The following CNTLN variants were observed in gnomAD, a reference collection of about 807,000 sequenced individuals.
CNTLN encodes centlein, centrosomal protein.
Under a neutral mutation model 180.0 loss-of-function variants are expected in CNTLN, and 212 were observed. The ratio of observed to expected loss-of-function variants is 1.18; its 90% CI spans 1.05 to 1.32. The LOEUF is 1.32. CNTLN is among the 40% of genes most tolerant of loss of function. CNTLN has a pLI of 0.00. For missense variants in CNTLN, 2,095 were observed against 1,610.9 expected, an observed-to-expected ratio of 1.30 and a Z score of -5.14; for synonymous variants, 722 against 563.1, an observed-to-expected ratio of 1.28 and a Z score of -3.99.
At chr9:17,419,360 A>T (rs1366627683) in intron 18 of CNTLN, among the ~76,000 whole-genome samples, 2 of 152,174 alleles carry the variant, frequency 1.3e-5, no homozygotes, top group Non-Finnish European at 2.9e-5. Flanking sequence ...TATTTTCAAG[A>T]AAAATTAAGT....
At chr9:17,194,614 C>G (rs771590367) in intron 2 of CNTLN, among the ~76,000 whole-genome samples, 2 of 152,194 alleles carry the variant, frequency 1.3e-5, no homozygotes, top group Admixed American at 6.5e-5. Context: ...TTCAACAAGT[C>G]TCTAGGAAGT....
rs768825621 is a variant in CNTLN, at chr9:17,464,634, TTA to T, written c.3531+13_3531+14del. ...AATCTTGATAAAAAGGTATCAATTT[TTA>T]TCTTTACTGACACTAAAAATATCAC... On this transcript the variant is annotated intron_variant, in intron 21 of 25. Transcript: ENST00000380647. 3.6e-6 allele frequency: 5 copies of T among 1,406,600 alleles called. No individual in the cohort carries two copies. The highest frequency in any genetic ancestry group is 4.8e-6 in the Non-Finnish European group (5 of 1,044,548). The allele number at this position is 1,406,600 out of a possible 1,614,324, so 87.1% of individuals were successfully genotyped here. A position where few individuals can be genotyped will look rare whatever the true frequency, so the allele number is the denominator to read the frequency against.
At chr9:17,157,326 A>G (rs1175884957) in intron 2 of CNTLN, among the ~76,000 whole-genome samples, 1 of 152,166 alleles carries the variant, frequency 6.6e-6, no homozygotes, top group East Asian at 1.9e-4. Flanking sequence ...AGGTTTCAGG[A>G]TTATCCTTTG....
intron 6 of CNTLN, among the ~76,000 whole-genome samples, chr9:17,280,644 C>T (rs1327571022): frequency 1.3e-5 from 2 of 152,090 alleles, no homozygotes; most frequent in African/African-American, 4.8e-5. Context: ...CATGATAAAC[C>T]GTGAAGACAT....
At chr9:17,435,327 A>G (rs1397963200) in intron 18 of CNTLN, among the ~76,000 whole-genome samples, 1 of 152,160 alleles carries the variant, frequency 6.6e-6, no homozygotes, top group Non-Finnish European at 1.5e-5. Flanking sequence ...TGTTCCAATA[A>G]TGCTTTCTGG....
chr9:17,213,063 T>A (rs897392375), intron 2 of CNTLN, among the ~76,000 whole-genome samples: 11 of 152,232 alleles, frequency 7.2e-5, no homozygotes, highest in African/African-American at 2.4e-4. Context: ...CCTTCAGTTC[T>A]GCTCTGATCT....
rs71331486 is a variant in CNTLN at position 17,338,337 on chromosome 9, G to GTTTTTTTTTTT, written c.1645-2482_1645-2472dup. 6.4e-4 allele frequency among the ~76,000 whole-genome samples: 64 copies of GTTTTTTTTTTT among 100,434 alleles called. 3 individuals carry two copies. Among genetic ancestry groups the GTTTTTTTTTTT allele is most frequent in the African/African-American group, 1.2e-3 (32 of 26,008 alleles). The allele number at this position is 100,434 out of a possible 152,430, so 65.9% of individuals were successfully genotyped here. ...CTGCTATCACTCCTGGCTAATTTTT[G>GTTTTTTTTTTT]TTTTTTTTTTTTTTTTTTAGAGATG... On this transcript the variant is annotated intron_variant, in intron 10 of 25. Coordinates refer to ENST00000380647, the MANE Select transcript of CNTLN (RefSeq NM_017738.4).
Position 17,342,360 on chromosome 9 carries a change from A to T in CNTLN, c.1802A>T (p.Gln601Leu). ...AGGAAAATAAAGAGAGCAGATCCCC[A>T]ACAACTTCGACAAGAAGATTCTGAC... ...EIRKIKRADP[Q>L]QLRQEDSDAV... The change falls in exon 12 of 26, where the codon CAA (glutamine) becomes CTA (leucine). Residue 601 changes from glutamine to leucine, a missense_variant. Physicochemically the swap from Gln to Leu is moderately radical, Grantham distance 113. Coordinates refer to ENST00000380647, the MANE Select transcript of CNTLN (RefSeq NM_017738.4). 1 of 1,612,336 alleles carries T rather than the reference A, an allele frequency of 6.2e-7. No individual in the cohort carries two copies. Among genetic ancestry groups the T allele is most frequent in the East Asian group, 2.2e-5 (1 of 44,756 alleles).
At chr9:17,171,915 G>T (rs1820446131) in intron 2 of CNTLN, among the ~76,000 whole-genome samples, 1 of 152,138 alleles carries the variant, frequency 6.6e-6, no homozygotes, top group Non-Finnish European at 1.5e-5. Flanking sequence ...TAGCCATGGA[G>T]CCAGGGTCCA....
At position 17,449,656 on chromosome 9, in the gene CNTLN, A is replaced by G. The variant is rs555437305; in HGVS notation, c.3115-7868A>G. ...GTCAATTGTATTAGTTGACTTTCTA[A>G]ATTTCACATATAACGTGTTTTTACT... is the stretch of plus-strand genomic sequence containing the variant. On this transcript the variant is annotated intron_variant, in intron 18 of 25. Coordinates refer to ENST00000380647, the MANE Select transcript of CNTLN (RefSeq NM_017738.4). Among the ~76,000 whole-genome samples, 3 of 152,356 alleles carry G rather than the reference A, an allele frequency of 2.0e-5. No individual in the cohort carries two copies. The East Asian group carries it at 5.8e-4, about 29-fold the overall frequency.
Position 17,462,942 on chromosome 9 carries a change from G to C in CNTLN, c.3333G>C (p.Gln1111His). ...ATGCTACTAATGAACTCACTAAACAGTCATCAAATGTGAAGACTTTGAAAT... is the reference window on the plus strand; with the variant it reads ...ATGCTACTAATGAACTCACTAAACACTCATCAAATGTGAAGACTTTGAAAT... ...LKNATNELTK[Q>H]SSNVKTLKFE... The change falls in exon 20 of 26, where the codon CAG becomes CAC. Residue 1111 changes from glutamine (Q) to histidine (H), a missense_variant. By Grantham distance (24) the Gln-to-His change is conservative (BLOSUM62 0). Transcript: ENST00000380647. 1 of 1,575,880 alleles carries C rather than the reference G, an allele frequency of 6.3e-7. No individual in the cohort carries two copies.
In CNTLN at chr9:17,502,501, A is replaced by T. The variant is rs777606387; in HGVS notation, c.4120-50A>T. 3.4e-6 allele frequency: 3 copies of T among 876,968 alleles called. No individual in the cohort carries two copies. In the Admixed American group the frequency reaches 9.5e-5, roughly 28 times the overall value. The allele number at this position is 876,968 out of a possible 1,614,324, so 54.3% of individuals were successfully genotyped here. A position where few individuals can be genotyped will look rare whatever the true frequency, so the allele number is the denominator to read the frequency against. On this transcript the variant is annotated intron_variant, in intron 25 of 25. Coordinates refer to ENST00000380647, the MANE Select transcript of CNTLN (RefSeq NM_017738.4). ...TTAATAATATTTAGTATGTTTTTGAACTGAAGAAAATATAGAGTTTTAATA... is the reference window on the plus strand; with the variant it reads ...TTAATAATATTTAGTATGTTTTTGATCTGAAGAAAATATAGAGTTTTAATA...
intron 13 of CNTLN, among the ~76,000 whole-genome samples, chr9:17,373,323 A>G (rs1197107374): frequency 6.6e-6 from 1 of 152,196 alleles, no homozygotes; most frequent in Non-Finnish European, 1.5e-5. Flanking sequence ...TCATTTCTAT[A>G]TGCCAACAGC....
chr9:17,439,156 C>T (rs973464368), intron 18 of CNTLN, among the ~76,000 whole-genome samples: 2 of 152,096 alleles, frequency 1.3e-5, no homozygotes, highest in African/African-American at 2.4e-5. Context: ...AAAATATAAA[C>T]ATCTAATAAC....
At position 17,394,856 on chromosome 9, in the gene CNTLN, C is replaced by T. The variant is rs760316821; in HGVS notation, c.2402C>T (p.Ser801Leu). The T allele has an allele frequency of 1.2e-6, 2 of 1,613,958 alleles. No homozygotes were observed. Among genetic ancestry groups the T allele is most frequent in the Non-Finnish European group, 1.7e-6 (2 of 1,179,950 alleles). The change falls in exon 15 of 26, where the codon TCA becomes TTA. Residue 801 changes from serine (S) to leucine (L), a missense_variant. Ser to Leu is a moderately radical substitution (Grantham distance 145). Transcript: ENST00000380647. ...LINPMEKSHQSADRAKSEMAT... is the reference protein window; with the variant it reads ...LINPMEKSHQLADRAKSEMAT... ...AACCCAATGGAGAAATCACACCAGT[C>T]AGCAGACAGAGCTAAATCCGAGATG...
In CNTLN at chr9:17,394,910, A is replaced by G. The variant is rs369975567; in HGVS notation, c.2456A>G (p.Tyr819Cys). ...ACCATGAAAGTGAGATCTGGACGAT[A>G]TGATTGTAAGACAACTATGACCAAG... ...MATMKVRSGR[Y>C]DCKTTMTKVK... The change falls in exon 15 of 26, where the codon TAT becomes TGT. Residue 819 changes from tyrosine (Y) to cysteine (C), a missense_variant. Physicochemically the swap from Tyr to Cys is radical, Grantham distance 194. Coordinates refer to ENST00000380647, the MANE Select transcript of CNTLN (RefSeq NM_017738.4). 27 of 1,613,990 alleles carry G rather than the reference A, an allele frequency of 1.7e-5. No individual in the cohort carries two copies. The highest frequency in any genetic ancestry group is 2.2e-5 in the Non-Finnish European group (26 of 1,179,990).
intron 2 of CNTLN, among the ~76,000 whole-genome samples, chr9:17,165,133 C>T (rs1046895899): frequency 2.4e-4 from 36 of 152,036 alleles, no homozygotes; most frequent in African/African-American, 5.6e-4. Flanking sequence ...CCATTGCGCC[C>T]GGCCTCTTAG....
intron 5 of CNTLN, among the ~76,000 whole-genome samples, chr9:17,265,932 T>C (rs57750931): frequency 0.23 from 35,000 of 151,964 alleles, 4,718 homozygotes; most frequent in South Asian, 0.36. Context: ...TCTCTCTTTT[T>C]TTCTTTATTA....
intron 3 of CNTLN, among the ~76,000 whole-genome samples, chr9:17,233,404 C>T (rs1824931843): frequency 6.6e-6 from 1 of 152,004 alleles, no homozygotes; most frequent in Admixed American, 6.6e-5. Flanking sequence ...ATTCCTTTAA[C>T]TGTAGTTTCA....
Sources: gnomAD v4.1 joint callset for allele counts (sites outside exome capture counted in the v4.1 genomes callset) on GRCh38, gnomAD v4.1.1 for gene constraint, MANE v1.5 for transcripts, NCBI Gene and HGNC (gene_info 2026-07-23, HGNC 2026-07-21) for gene names.